Variants in ARF4 observed in about 807,000 individuals in gnomAD.
The protein encoded by ARF4 is ADP-ribosylation factor 4.
A neutral mutation model predicts 24.3 loss-of-function variants in ARF4; 5 were observed. The observed-to-expected ratio is 0.21, with a 90% CI of 0.11 to 0.43. ARF4 has a LOEUF of 0.43. Ranked by LOEUF, ARF4 falls within the 20% of genes least tolerant of loss-of-function variation. The pLI is 1.00. For missense variants in ARF4, 107 were observed against 213.0 expected, an observed-to-expected ratio of 0.50 and a Z score of 3.10; for synonymous variants, 62 against 73.5, an observed-to-expected ratio of 0.84 and a Z score of 0.80.
At chr3:57,584,598 A>C (rs2070014756) in intron 1 of ARF4, 134 bp from the exon 2 acceptor site, 2 of 748,716 alleles carry the variant, frequency 2.7e-6, no homozygotes, top group Non-Finnish European at 4.3e-6. Context: ...AAATGAAATG[A>C]CCTTATTTCT....
intron 4 of ARF4, 23 bp downstream of exon 4, chr3:57,577,293 T>G (rs1559783175): frequency 1.3e-6 from 2 of 1,593,048 alleles, no homozygotes; most frequent in Non-Finnish European, 1.7e-6. Context: ...TTGAAAATGA[T>G]GAATTTAAAG....
chr3:57,575,701 A>G, intron 4 of ARF4, 28 bp from the exon 5 acceptor site: 1 of 1,581,568 alleles, frequency 6.3e-7, no homozygotes, highest in Non-Finnish European at 8.6e-7. Flanking sequence ...GGCATTAACA[A>G]CTACCAACCG....
intron 1 of ARF4, among the ~76,000 whole-genome samples, chr3:57,595,747 G>A (rs944417878): frequency 6.6e-6 from 1 of 152,178 alleles, no homozygotes; most frequent in East Asian, 1.9e-4. Flanking sequence ...TGAGGAGTTC[G>A]AGACCAGACT....
At position 57,597,071 on chromosome 3, in the gene ARF4, C is replaced by T; in HGVS notation, c.67+3G>A. The T allele has an allele frequency of 1.2e-6, 2 of 1,613,966 alleles. No individual in the cohort carries two copies. Among genetic ancestry groups the T allele is most frequent in the Non-Finnish European group, 1.7e-6 (2 of 1,179,836 alleles). ...CCCGCCTGACTCGCAGCCCCTCACT[C>T]ACCCATCAAAATGCGCATCTGCTTC... On this transcript the variant is annotated splice_donor_region_variant and intron_variant, in intron 1 of 5. Transcript: ENST00000303436.
Position 57,597,192 on chromosome 3 carries a change from C to G in ARF4, c.-52G>C, listed in dbSNP as rs1268683503. ...GAAGCAGAAGGGGTTTGGGGCGACC[C>G]CGTGCTTTCTCCTTTCAAGCTCCCA... On this transcript the variant is annotated 5_prime_UTR_variant, in exon 1 of 6. Transcript: ENST00000303436. The G allele has an allele frequency of 1.6e-5, 24 of 1,547,172 alleles. No individual in the cohort carries two copies. Among genetic ancestry groups the G allele is most frequent in the Non-Finnish European group, 2.0e-5 (23 of 1,123,240 alleles).
Position 57,572,380 on chromosome 3 carries a change from A to G in ARF4, c.457-82T>C, listed in dbSNP as rs1467135317. 6.4e-6 allele frequency: 7 copies of G among 1,101,906 alleles called. No individual in the cohort carries two copies. The Admixed American group carries it at 1.1e-4, about 18-fold the overall frequency. The allele number at this position is 1,101,906 out of a possible 1,614,324, so 68.3% of individuals were successfully genotyped here. A position where few individuals can be genotyped will look rare whatever the true frequency, so the allele number is the denominator to read the frequency against. On this transcript the variant is annotated intron_variant, in intron 5 of 5. Coordinates refer to ENST00000303436, the MANE Select transcript of ARF4 (RefSeq NM_001660.4). Reference sequence around the variant, plus strand: ...GTTTAAACTTTCTTAATCAAACTTAAGAGTCTTTTCACACCTCTTGCATCT... The same window carrying G: ...GTTTAAACTTTCTTAATCAAACTTAGGAGTCTTTTCACACCTCTTGCATCT...
At chr3:57,584,963 G>A (rs565215575) in intron 1 of ARF4, among the ~76,000 whole-genome samples, 1,971 of 151,902 alleles carry the variant, frequency 0.013, 48 homozygotes, top group African/African-American at 0.045. Flanking sequence ...TCCCGGGTTC[G>A]AGCAATTCTC....
chr3:57,574,794 G>A (rs2069883063), intron 5 of ARF4, among the ~76,000 whole-genome samples: 1 of 152,094 alleles, frequency 6.6e-6, no homozygotes. Context: ...GATAGTGAGA[G>A]GATTGCTTGA....
At chr3:57,596,477 G>A (rs1216413135) in intron 1 of ARF4, 1 of 152,238 alleles carries the variant, frequency 6.6e-6, no homozygotes, top group Non-Finnish European at 1.5e-5. Flanking sequence ...ACTTGAAACG[G>A]AATCCAGCGC....
chr3:57,576,207 T>G (rs569786858), intron 4 of ARF4, among the ~76,000 whole-genome samples: 1 of 152,208 alleles, frequency 6.6e-6, no homozygotes, highest in African/African-American at 2.4e-5. Context: ...CCTGAAAAAT[T>G]ATGCTAAGTG....
chr3:57,588,067 G>A (rs1400820286), intron 1 of ARF4, among the ~76,000 whole-genome samples: 1 of 152,056 alleles, frequency 6.6e-6, no homozygotes, highest in Non-Finnish European at 1.5e-5. Context: ...TGCAATATTT[G>A]GCAATGAAAT....
chr3:57,586,285 C>T (rs1460659468), intron 1 of ARF4, among the ~76,000 whole-genome samples: 1 of 114,354 alleles, frequency 8.7e-6, no homozygotes, highest in East Asian at 2.3e-4. Flanking sequence ...AGCAAGGACA[C>T]TTTCTTAATA....
intron 1 of ARF4, among the ~76,000 whole-genome samples, chr3:57,591,163 G>A (rs1440590676): frequency 6.6e-6 from 1 of 152,080 alleles, no homozygotes; most frequent in Admixed American, 6.6e-5. Flanking sequence ...TGTTTGTCAG[G>A]TCCTCAAAAT....
At chr3:57,574,810 G>A (rs2069883354) in intron 5 of ARF4, among the ~76,000 whole-genome samples, 1 of 152,148 alleles carries the variant, frequency 6.6e-6, no homozygotes, top group Non-Finnish European at 1.5e-5. Flanking sequence ...CTTGAGTCCA[G>A]GAGTTCAAGA....
chr3:57,575,636 A>G lies in ARF4; in HGVS notation c.368T>C (p.Leu123Pro). Residue 123 changes from leucine (L) to proline (P), a missense_variant, in exon 5 of 6, where the codon CTT becomes CCT. By Grantham distance (98) the Leu-to-Pro change is moderately conservative. Transcript: ENST00000303436. ...VDELRDAVLL[L>P]FANKQDLPNA... ...TGGCAAATCCTGTTTGTTTGCAAAA[A>G]GTAGCAGCACTGCATCTCTCAATTC... 1 of 1,613,602 alleles carries G rather than the reference A, an allele frequency of 6.2e-7. No individual in the cohort carries two copies.
intron 2 of ARF4, 61 bp downstream of exon 2, chr3:57,584,323 G>A (rs2070011673): frequency 7.5e-7 from 1 of 1,337,818 alleles, no homozygotes; most frequent in Non-Finnish European, 1.1e-6. Flanking sequence ...CTCAAAACTA[G>A]ACTGTATATA....
intron 1 of ARF4, among the ~76,000 whole-genome samples, chr3:57,590,646 A>G (rs1176890200): frequency 6.6e-6 from 1 of 151,754 alleles, no homozygotes; most frequent in African/African-American, 2.4e-5. Flanking sequence ...TTTGAAATAT[A>G]CCTTCATAAT....
chr3:57,574,240 G>A lies in ARF4; in HGVS notation c.456+1308C>T, dbSNP rs2069877238. Among the ~76,000 whole-genome samples the A allele has an allele frequency of 4.0e-5, 6 of 151,740 alleles. No homozygotes were observed. In the South Asian group the frequency reaches 1.2e-3, roughly 32 times the overall value. On this transcript the variant is annotated intron_variant, in intron 5 of 5. Transcript: ENST00000303436. ...AGGCGTGAGCCACTGCACCCGGCCT[G>A]CAATAGGTTCTTTGTTGTTTGTTTC...
intron 3 of ARF4, among the ~76,000 whole-genome samples, chr3:57,583,283 G>A (rs1429601377): frequency 2.0e-5 from 3 of 152,090 alleles, no homozygotes; most frequent in African/African-American, 7.2e-5. Flanking sequence ...ACTGTACCTG[G>A]ATTATATCCC....
Sources: gnomAD v4.1 joint callset for allele counts (sites outside exome capture counted in the v4.1 genomes callset) on GRCh38, gnomAD v4.1.1 for gene constraint, MANE v1.5 for transcripts, NCBI Gene and HGNC (gene_info 2026-07-23, HGNC 2026-07-21) for gene names.